The following KDM4B variants were observed in gnomAD, a reference collection of about 807,000 sequenced individuals.
The protein encoded by KDM4B is lysine demethylase 4B.
Under a neutral mutation model 125.2 loss-of-function variants are expected in KDM4B, and 32 were observed. The observed-to-expected ratio is 0.26, with a 90% CI of 0.19 to 0.34. KDM4B has a LOEUF of 0.34. KDM4B is among the 10% of genes least tolerant of loss of function. KDM4B has a pLI of 1.00. For synonymous variants in KDM4B, 721 were observed against 677.9 expected (o/e 1.06, Z -0.99); for missense variants, 1,190 against 1,577.7 (o/e 0.75, Z 4.16).
intron 10 of KDM4B, among the ~76,000 whole-genome samples, chr19:5,111,200 C>T (rs2039136999): frequency 1.3e-5 from 2 of 152,262 alleles, no homozygotes; most frequent in South Asian, 4.1e-4. Context: ...GTCCCTCTCA[C>T]TCACCGCATT....
intron 2 of KDM4B, among the ~76,000 whole-genome samples, chr19:5,017,371 C>G (rs1206160516): frequency 6.6e-6 from 1 of 152,148 alleles, no homozygotes; most frequent in African/African-American, 2.4e-5. Context: ...ATGGCTGTGT[C>G]CATTTGCCTG....
At chr19:4,983,630 G>T (rs1323880583) in intron 1 of KDM4B, among the ~76,000 whole-genome samples, 1 of 152,238 alleles carries the variant, frequency 6.6e-6, no homozygotes, top group African/African-American at 2.4e-5. Flanking sequence ...GGCTGGTGGG[G>T]CTTAGGAGGC....
chr19:5,027,703 G>C (rs2036324820), intron 2 of KDM4B, among the ~76,000 whole-genome samples: 2 of 151,960 alleles, frequency 1.3e-5, no homozygotes, highest in Admixed American at 1.3e-4. Context: ...ACCACACCCG[G>C]CTAATTTTCA....
rs149576742 is a variant in KDM4B, at chr19:4,990,253, G to T, written c.-109+21023G>T. On this transcript the variant is annotated intron_variant, in intron 1 of 22. Coordinates refer to ENST00000159111, the MANE Select transcript of KDM4B (RefSeq NM_015015.3). ...TGCAGTGAGCCACGATTGCACCAGT[G>T]TGCTCCAGCCTGGGCAAAAGAGTGA... 1.2e-3 allele frequency among the ~76,000 whole-genome samples: 181 copies of T among 152,314 alleles called. 1 individual carries two copies. The Middle Eastern group carries it at 0.031, about 26-fold the overall frequency.
At chr19:5,044,176 A>G (rs577482845) in intron 5 of KDM4B, among the ~76,000 whole-genome samples, 2 of 80,472 alleles carry the variant, frequency 2.5e-5, no homozygotes, top group African/African-American at 1.1e-4. Context: ...TGGGGTGTCC[A>G]CCTTATCCCA....
chr19:5,111,581 T>G (rs757407617), intron 10 of KDM4B: 1 of 744,594 alleles, frequency 1.3e-6, no homozygotes, highest in Admixed American at 1.8e-5. Context: ...CTCTGGGAAG[T>G]GTCCAGGCTT....
At chr19:5,088,440 T>C (rs2038576956) in intron 9 of KDM4B, among the ~76,000 whole-genome samples, 2 of 152,176 alleles carry the variant, frequency 1.3e-5, no homozygotes, top group African/African-American at 4.8e-5. Context: ...CTCACTCCCC[T>C]GGCCCCTAGA....
chr19:5,144,220 G>A lies in KDM4B; in HGVS notation c.2737-28G>A, dbSNP rs945254992. On this transcript the variant is annotated intron_variant, in intron 19 of 22. Transcript: ENST00000159111. ...GCCCCCACCGACACCCGCGCTGACC[G>A]CCCCCCACACCCTCCGCACCCTCCC... 4.0e-5 allele frequency: 57 copies of A among 1,417,394 alleles called. No individual in the cohort carries two copies. In the East Asian group the frequency reaches 1.1e-3, roughly 27 times the overall value. 87.8% of individuals were successfully genotyped at this position (1,417,394 alleles called of 1,614,324 possible).
rs376802800 is a variant in KDM4B, at chr19:5,039,760, G to A, written c.142-76G>A. The A allele has an allele frequency of 3.1e-5, 46 of 1,496,736 alleles. No homozygotes were observed. The East Asian group carries it at 4.9e-4, about 16-fold the overall frequency. The allele number at this position is 1,496,736 out of a possible 1,614,324, so 92.7% of individuals were successfully genotyped here. A position where few individuals can be genotyped will look rare whatever the true frequency, so the allele number is the denominator to read the frequency against. ...CTTGGGGGGTGCTGGTCTCTGGGGAGCCGGTGGCACAGTCTGCTCTCTGGC... is the reference window on the plus strand; with the variant it reads ...CTTGGGGGGTGCTGGTCTCTGGGGAACCGGTGGCACAGTCTGCTCTCTGGC... On this transcript the variant is annotated intron_variant, in intron 3 of 22. Coordinates refer to ENST00000159111, the MANE Select transcript of KDM4B (RefSeq NM_015015.3).
At chr19:5,036,484 C>T (rs988965283) in intron 3 of KDM4B, among the ~76,000 whole-genome samples, 2 of 152,204 alleles carry the variant, frequency 1.3e-5, no homozygotes, top group Non-Finnish European at 2.9e-5. Context: ...AAGGCCCCGT[C>T]GGGGGTCCTG....
chr19:5,126,752 G>A (rs192972713), intron 11 of KDM4B, among the ~76,000 whole-genome samples: 5 of 152,360 alleles, frequency 3.3e-5, no homozygotes, highest in African/African-American at 7.2e-5. Context: ...AGGCGCACCC[G>A]GCTGCGGGTT....
rs375166993 is a variant in KDM4B, at chr19:5,119,545, C to T, written c.1116-108C>T. ...GCCAGGAGGCCCCCTGCTCATGGAG[C>T]GCTCTTCTGGGGGTGGGCGGGGGCT... On this transcript the variant is annotated intron_variant, in intron 10 of 22. Transcript: ENST00000159111. The T allele has an allele frequency of 2.1e-4, 229 of 1,087,630 alleles. 1 individual carries two copies. The highest frequency in any genetic ancestry group is 2.0e-3 in the South Asian group (150 of 74,144). The allele number at this position is 1,087,630 out of a possible 1,614,324, so 67.4% of individuals were successfully genotyped here.
At chr19:5,090,393 C>T (rs1260255991) in intron 9 of KDM4B, among the ~76,000 whole-genome samples, 1 of 59,054 alleles carries the variant, frequency 1.7e-5, no homozygotes, top group Non-Finnish European at 3.4e-5. Context: ...TATCTCTCCC[C>T]CTCTCTCTCT....
chr19:5,148,981 G>A (rs979846191), intron 21 of KDM4B, among the ~76,000 whole-genome samples: 3 of 152,208 alleles, frequency 2.0e-5, no homozygotes, highest in Non-Finnish European at 2.9e-5. Context: ...AGAGGCAACC[G>A]GCCATCTGAG....
intron 15 of KDM4B, among the ~76,000 whole-genome samples, chr19:5,136,363 A>T (rs2039648628): frequency 1.3e-5 from 2 of 152,182 alleles, no homozygotes; most frequent in African/African-American, 4.8e-5. Context: ...GGGCGGTGGC[A>T]GGAATTGGAC....
intron 7 of KDM4B, among the ~76,000 whole-genome samples, chr19:5,072,111 C>T (rs967818585): frequency 8.5e-5 from 13 of 152,250 alleles, no homozygotes; most frequent in African/African-American, 3.1e-4. Context: ...AGTACAGGCT[C>T]CCGGGACTGC....
intron 1 of KDM4B, among the ~76,000 whole-genome samples, chr19:4,989,122 C>T (rs2034945939): frequency 6.6e-6 from 1 of 152,164 alleles, no homozygotes; most frequent in Admixed American, 6.5e-5. Context: ...GCTGTCTGGA[C>T]AGTGCTGAAG....
At chr19:5,145,751 C>T (rs1033035679) in intron 21 of KDM4B, among the ~76,000 whole-genome samples, 1 of 152,172 alleles carries the variant, frequency 6.6e-6, no homozygotes, top group African/African-American at 2.4e-5. Flanking sequence ...TTGTCTCTTC[C>T]AGTCACATCT....
chr19:5,094,858 G>T (rs996825727), intron 9 of KDM4B, among the ~76,000 whole-genome samples: 4 of 152,228 alleles, frequency 2.6e-5, no homozygotes, highest in African/African-American at 9.6e-5. Flanking sequence ...CAAGCCCTTT[G>T]CTAATAGCCG....
Sources: gnomAD v4.1 joint callset for allele counts (sites outside exome capture counted in the v4.1 genomes callset) on GRCh38, gnomAD v4.1.1 for gene constraint, MANE v1.5 for transcripts, NCBI Gene and HGNC (gene_info 2026-07-23, HGNC 2026-07-21) for gene names.